The following PDZRN3 variants were observed in gnomAD, a reference collection of about 807,000 sequenced individuals.
The protein encoded by PDZRN3 is PDZ domain containing ring finger 3, also known as E3 ubiquitin-protein ligase PDZRN3.
A neutral mutation model predicts 85.7 loss-of-function variants in PDZRN3; 38 were observed. The ratio of observed to expected loss-of-function variants is 0.44; its 90% CI spans 0.34 to 0.58. PDZRN3 has a LOEUF of 0.58. Among genes scored for constraint, PDZRN3 ranks in the 20% least tolerant of loss-of-function variants. PDZRN3 has a pLI of 0.01. For missense variants in PDZRN3, 1,629 were observed against 1,506.4 expected (o/e 1.08, Z -1.35); for synonymous variants, 759 against 638.0 (o/e 1.19, Z -2.86).
intron 3 of PDZRN3, among the ~76,000 whole-genome samples, chr3:73,554,372 A>T (rs1701639875): frequency 1.3e-5 from 2 of 151,984 alleles, no homozygotes; most frequent in African/African-American, 4.8e-5. Flanking sequence ...ACACACACAC[A>T]CACACACACA....
chr3:73,441,228 C>A (rs1430917161), intron 3 of PDZRN3, among the ~76,000 whole-genome samples: 1 of 151,960 alleles, frequency 6.6e-6, no homozygotes, highest in African/African-American at 2.4e-5. Context: ...TCCTGGCCAA[C>A]ATGGTGAAAC....
rs536478689 is a variant in PDZRN3, at chr3:73,568,120, G to T, written c.918+34234C>A. 2.6e-5 allele frequency among the ~76,000 whole-genome samples: 4 copies of T among 152,246 alleles called. No homozygotes were observed. In the East Asian group the frequency reaches 7.7e-4, roughly 29 times the overall value. ...TAGGGATAAGAAGGAGCCAGCCAAG[G>T]GAGGAGCCATGTGAAGCCAGCAATC... On this transcript the variant is annotated intron_variant, in intron 3 of 9. Coordinates refer to ENST00000263666, the MANE Select transcript of PDZRN3 (RefSeq NM_015009.3).
intron 3 of PDZRN3, among the ~76,000 whole-genome samples, chr3:73,541,323 C>T (rs2106782191): frequency 6.6e-6 from 1 of 152,310 alleles, no homozygotes; most frequent in African/African-American, 2.4e-5. Flanking sequence ...CCTAATCTCA[C>T]CATTTAAATA....
At chr3:73,587,486 T>C (rs753059078) in intron 3 of PDZRN3, among the ~76,000 whole-genome samples, 7 of 152,240 alleles carry the variant, frequency 4.6e-5, no homozygotes, top group Non-Finnish European at 8.8e-5. Context: ...AGTAAATAGC[T>C]ACAAATGTAT....
At chr3:73,450,653 A>C (rs1002675851) in intron 3 of PDZRN3, among the ~76,000 whole-genome samples, 1 of 152,230 alleles carries the variant, frequency 6.6e-6, no homozygotes, top group Non-Finnish European at 1.5e-5. Flanking sequence ...AATGTGGTCA[A>C]ACTGGTTTAG....
Position 73,404,266 on chromosome 3 carries a change from C to T in PDZRN3, c.1048G>A (p.Glu350Lys). 2.5e-6 allele frequency: 4 copies of T among 1,614,150 alleles called. No homozygotes were observed. In the South Asian group the frequency reaches 4.4e-5, roughly 18 times the overall value. The stretch of plus-strand genomic sequence containing the variant: ...GTTCCCGTGTCCACCAGCTGAGACT[C>T]TGATGGAGGCGTGAACATTTTGGTC... The part of the protein sequence containing the change: ...PRTKMFTPPS[E>K]SQLVDTGTQT... The change falls in exon 4 of 10, where the codon GAG becomes AAG. Residue 350 changes from glutamate to lysine, a missense_variant. By Grantham distance (56) the Glu-to-Lys change is moderately conservative (BLOSUM62 1). Coordinates refer to ENST00000263666, the MANE Select transcript of PDZRN3 (RefSeq NM_015009.3).
At chr3:73,498,942 C>G (rs1281348484) in intron 3 of PDZRN3, among the ~76,000 whole-genome samples, 1 of 152,122 alleles carries the variant, frequency 6.6e-6, no homozygotes, top group Non-Finnish European at 1.5e-5. Flanking sequence ...GTGCGGGTCG[C>G]TGGTCAGGCT....
intron 3 of PDZRN3, among the ~76,000 whole-genome samples, chr3:73,458,775 A>AG (rs915737696): frequency 4.0e-5 from 6 of 151,686 alleles, no homozygotes; most frequent in African/African-American, 1.5e-4. Context: ...GTAGATCACG[A>AG]GGTCAGGAAT....
intron 3 of PDZRN3, among the ~76,000 whole-genome samples, chr3:73,557,454 C>T (rs1701724269): frequency 6.6e-6 from 1 of 152,148 alleles, no homozygotes; most frequent in African/African-American, 2.4e-5. Flanking sequence ...TTTTTCATTG[C>T]TGTGTGGCAA....
chr3:73,384,155 G>A lies in PDZRN3; in HGVS notation c.2411C>T (p.Ala804Val), dbSNP rs61739231. 1,647 of 1,614,096 alleles carry A rather than the reference G, an allele frequency of 1.0e-3. 17 individuals carry two copies. The African/African-American group carries it at 0.019, about 19-fold the overall frequency. The change falls in exon 10 of 10, where the codon GCC becomes GTC. Residue 804 changes from alanine (A) to valine (V), a missense_variant. Ala to Val is a moderately conservative substitution (Grantham distance 64). Transcript: ENST00000263666. Reference sequence around the variant, plus strand: ...CGTGATGGAGAGCAGATTCTTGGAGGCTGGCCCGTAGGCTTCCGTGGTCCC... The same window carrying A: ...CGTGATGGAGAGCAGATTCTTGGAGACTGGCCCGTAGGCTTCCGTGGTCCC... ...AVGTTEAYGP[A>V]SKNLLSITED...
At chr3:73,436,797 C>T (rs892536892) in intron 3 of PDZRN3, among the ~76,000 whole-genome samples, 4 of 151,990 alleles carry the variant, frequency 2.6e-5, no homozygotes, top group Non-Finnish European at 5.9e-5. Context: ...CCTGTAATCC[C>T]AGCACTTTGG....
intron 3 of PDZRN3, among the ~76,000 whole-genome samples, chr3:73,483,606 TA>T (rs1376232636): frequency 3.9e-5 from 6 of 152,188 alleles, no homozygotes; most frequent in Non-Finnish European, 8.8e-5. Flanking sequence ...GGAAGTGACA[TA>T]AATTAATTGC....
chr3:73,541,462 C>T (rs1704920179), intron 3 of PDZRN3, among the ~76,000 whole-genome samples: 1 of 152,138 alleles, frequency 6.6e-6, no homozygotes, highest in Admixed American at 6.5e-5. Flanking sequence ...CCTTTTTACA[C>T]AAGAAAACTG....
chr3:73,464,904 C>G (rs1354926843), intron 3 of PDZRN3, among the ~76,000 whole-genome samples: 1 of 151,990 alleles, frequency 6.6e-6, no homozygotes, highest in Non-Finnish European at 1.5e-5. Context: ...TACCACTTTT[C>G]AAGAATACAA....
chr3:73,545,198 C>T (rs111827493), intron 3 of PDZRN3, among the ~76,000 whole-genome samples: 21 of 152,296 alleles, frequency 1.4e-4, no homozygotes, highest in African/African-American at 3.6e-4. Context: ...GCCCCCACCA[C>T]GACGGATGGT....
At position 73,468,065 on chromosome 3, in the gene PDZRN3, C is replaced by G. The variant is rs181885481; in HGVS notation, c.919-63670G>C. The stretch of plus-strand genomic sequence containing the variant: ...ATATTTAACACCATTGCACTGCACA[C>G]CTAAATATGGTTAAGATGGCAAATT... On this transcript the variant is annotated intron_variant, in intron 3 of 9. Coordinates refer to ENST00000263666, the MANE Select transcript of PDZRN3 (RefSeq NM_015009.3). 2.0e-3 allele frequency among the ~76,000 whole-genome samples: 300 copies of G among 151,994 alleles called. 4 individuals carry two copies. The highest frequency in any genetic ancestry group is 6.9e-3 in the African/African-American group (287 of 41,424).
chr3:73,432,272 C>T (rs1702447600), intron 3 of PDZRN3, among the ~76,000 whole-genome samples: 1 of 152,090 alleles, frequency 6.6e-6, no homozygotes, highest in Non-Finnish European at 1.5e-5. Flanking sequence ...GGGATGGGGG[C>T]CAGATCGCCA....
chr3:73,424,483 A>G (rs1702269179), intron 3 of PDZRN3, among the ~76,000 whole-genome samples: 2 of 144,844 alleles, frequency 1.4e-5, no homozygotes, highest in South Asian at 4.5e-4. Context: ...CAGAGCTTGC[A>G]GTAAGCTGAG....
chr3:73,605,096 A>G (rs1475430920), intron 2 of PDZRN3, among the ~76,000 whole-genome samples: 1 of 152,014 alleles, frequency 6.6e-6, no homozygotes, highest in Non-Finnish European at 1.5e-5. Context: ...GGTCCCAGCT[A>G]CTTGGGAGGC....
Sources: allele counts gnomAD v4.1 joint callset (sites outside exome capture counted in the v4.1 genomes callset), GRCh38; gene constraint gnomAD v4.1.1; transcripts MANE v1.5; gene names NCBI Gene and HGNC (gene_info 2026-07-23, HGNC 2026-07-21).